The following DPY19L2 variants were observed in gnomAD, a reference collection of about 807,000 sequenced individuals.
DPY19L2 encodes the protein probable C-mannosyltransferase DPY19L2.
Under a neutral mutation model 97.9 loss-of-function variants are expected in DPY19L2, and 34 were observed. The observed-to-expected ratio is 0.35, with a 90% CI of 0.26 to 0.46. DPY19L2 has a LOEUF of 0.46. DPY19L2 is among the 20% of genes least tolerant of loss of function. The pLI, the probability that DPY19L2 is intolerant of heterozygous loss-of-function variation, is 1.00. For synonymous variants in DPY19L2, 230 were observed against 307.9 expected (o/e 0.75, Z 2.65); for missense variants, 623 against 911.4 (o/e 0.68, Z 4.07).
At chr12:63,637,421 G>A (rs1033133016) in intron 6 of DPY19L2, among the ~76,000 whole-genome samples, 4 of 152,012 alleles carry the variant, frequency 2.6e-5, no homozygotes, top group Admixed American at 2.6e-4. Context: ...ATGAATCCAG[G>A]AGCTGGTTTT....
chr12:63,636,034 T>C (rs897272219), intron 6 of DPY19L2, among the ~76,000 whole-genome samples: 8 of 152,050 alleles, frequency 5.3e-5, no homozygotes, highest in South Asian at 4.2e-4. Flanking sequence ...GAGAGAAAGG[T>C]TGGGTTACCC....
intron 15 of DPY19L2, among the ~76,000 whole-genome samples, chr12:63,594,940 T>C (rs185747041): frequency 2.0e-5 from 3 of 152,238 alleles, no homozygotes; most frequent in Admixed American, 6.5e-5. Context: ...TAAGCCAGCA[T>C]GGGCCGAAAG....
chr12:63,640,794 T>G (rs377135994), intron 6 of DPY19L2, among the ~76,000 whole-genome samples: 1 of 152,278 alleles, frequency 6.6e-6, no homozygotes, highest in African/African-American at 2.4e-5. Context: ...TTTTTTAAAT[T>G]TTAGTCATTG....
rs1565728300 is a variant in DPY19L2 at position 63,591,985 on chromosome 12, G to GAAAA, written c.1580+2101_1580+2102insTTTT. On this transcript the variant is annotated intron_variant, in intron 16 of 21. Coordinates refer to ENST00000324472, the MANE Select transcript of DPY19L2 (RefSeq NM_173812.5). ...AGAAAAGAAAAGAAAAGAGGGGAAG[G>GAAAA]GAAGGGAAGGGAGGGGAAGGGAGGG... Among the ~76,000 whole-genome samples the GAAAA allele has an allele frequency of 1.8e-3, 94 of 53,260 alleles. 1 individual carries two copies. Among genetic ancestry groups the GAAAA allele is most frequent in the African/African-American group, 9.8e-3 (89 of 9,064 alleles). 34.9% of individuals were successfully genotyped at this position (53,260 alleles called of 152,430 possible). A position where few individuals can be genotyped will look rare whatever the true frequency, so the allele number is the denominator to read the frequency against.
intron 19 of DPY19L2, among the ~76,000 whole-genome samples, chr12:63,578,587 G>T (rs1345319476): frequency 6.6e-6 from 1 of 152,012 alleles, no homozygotes; most frequent in Non-Finnish European, 1.5e-5. Flanking sequence ...ATATACACCT[G>T]CTCTGTACCC....
At chr12:63,585,010 G>A (rs796516041) in intron 16 of DPY19L2, among the ~76,000 whole-genome samples, 103 of 152,254 alleles carry the variant, frequency 6.8e-4, no homozygotes, top group African/African-American at 2.3e-3. Flanking sequence ...GGTGGAAGAC[G>A]TGAACAGAAA....
intron 4 of DPY19L2, among the ~76,000 whole-genome samples, chr12:63,656,518 C>G (rs1894997416): frequency 6.6e-6 from 1 of 152,132 alleles, no homozygotes; most frequent in Admixed American, 6.5e-5. Flanking sequence ...TTTATCTATT[C>G]ATTCATGCAT....
At chr12:63,600,104 A>G (rs1884888797) in intron 13 of DPY19L2, among the ~76,000 whole-genome samples, 1 of 152,184 alleles carries the variant, frequency 6.6e-6, no homozygotes, top group Non-Finnish European at 1.5e-5. Context: ...GTCAGCATTC[A>G]TGAATATTTT....
intron 4 of DPY19L2, among the ~76,000 whole-genome samples, chr12:63,657,531 A>T (rs537814382): frequency 3.3e-5 from 5 of 151,628 alleles, no homozygotes; most frequent in African/African-American, 9.7e-5. Flanking sequence ...TCCTTCCTCA[A>T]GGAATATGAC....
intron 4 of DPY19L2, 121 bp downstream of exon 4, chr12:63,661,223 G>A: frequency 1.0e-6 from 1 of 1,000,102 alleles, no homozygotes; most frequent in Non-Finnish European, 1.4e-6. Context: ...CAACTATAAG[G>A]ATACACACAA....
intron 4 of DPY19L2, among the ~76,000 whole-genome samples, chr12:63,655,916 C>T (rs4763104): frequency 0.17 from 26,217 of 152,054 alleles, 2,622 homozygotes; most frequent in Non-Finnish European, 0.23. Flanking sequence ...AGGCATTTAC[C>T]GACTGACTGG....
chr12:63,613,006 A>T (rs1887265189), intron 11 of DPY19L2, among the ~76,000 whole-genome samples: 2 of 152,100 alleles, frequency 1.3e-5, no homozygotes, highest in African/African-American at 4.8e-5. Flanking sequence ...AATGAAATGG[A>T]ACTTGTAGTT....
intron 6 of DPY19L2, among the ~76,000 whole-genome samples, chr12:63,632,199 T>G (rs1302912759): frequency 6.6e-6 from 1 of 152,140 alleles, no homozygotes; most frequent in Admixed American, 6.6e-5. Context: ...AACATATTGT[T>G]GGATGTTCTG....
intron 6 of DPY19L2, among the ~76,000 whole-genome samples, chr12:63,628,426 A>C (rs1288730589): frequency 1.3e-5 from 2 of 152,158 alleles, no homozygotes; most frequent in Non-Finnish European, 2.9e-5. Flanking sequence ...TATATCACAC[A>C]CCTGGCTCGG....
rs555855934 is a variant in DPY19L2, at chr12:63,664,022, T to C, written c.363-177A>G. 3.9e-5 allele frequency among the ~76,000 whole-genome samples: 6 copies of C among 152,242 alleles called. No homozygotes were observed. The South Asian group carries it at 1.2e-3, about 32-fold the overall frequency. On this transcript the variant is annotated intron_variant, in intron 2 of 21. Transcript: ENST00000324472. ...AATCCAGTATGGCACACACCTGAAA[T>C]TCCTTAACTCAGTGGTTTTTAAGCT...
chr12:63,635,559 T>G (rs141146288), intron 6 of DPY19L2, among the ~76,000 whole-genome samples: 8,308 of 152,034 alleles, frequency 0.055, 677 homozygotes, highest in African/African-American at 0.19. Context: ...GATGAATGGC[T>G]AAGTAGAATA....
intron 21 of DPY19L2, among the ~76,000 whole-genome samples, chr12:63,568,447 T>C (rs1416928409): frequency 6.6e-6 from 1 of 152,092 alleles, no homozygotes; most frequent in Non-Finnish European, 1.5e-5. Flanking sequence ...AATGTATTTG[T>C]AATAGTGGCT....
chr12:63,585,540 G>A (rs546344358), intron 16 of DPY19L2, among the ~76,000 whole-genome samples: 1 of 152,116 alleles, frequency 6.6e-6, no homozygotes, highest in South Asian at 2.1e-4. Context: ...TGCAGTTAAC[G>A]GAGTGGGGTT....
At chr12:63,663,371 C>G (rs1157101992) in intron 3 of DPY19L2, among the ~76,000 whole-genome samples, 1 of 152,014 alleles carries the variant, frequency 6.6e-6, no homozygotes, top group Non-Finnish European at 1.5e-5. Context: ...ATCTTGAAAT[C>G]AAAAGAAAGC....
Sources: allele counts gnomAD v4.1 joint callset (sites outside exome capture counted in the v4.1 genomes callset), GRCh38; gene constraint gnomAD v4.1.1; transcripts MANE v1.5; gene names NCBI Gene and HGNC (gene_info 2026-07-23, HGNC 2026-07-21).